The following PCDHGB4 variants were observed in gnomAD, a reference collection of about 807,000 sequenced individuals.
PCDHGB4 encodes protocadherin gamma-B4.
A neutral mutation model predicts 60.5 loss-of-function variants in PCDHGB4; 38 were observed. That is an observed-to-expected ratio of 0.63 (90% confidence interval 0.48 to 0.82). The LOEUF is 0.82. Among genes scored for constraint, PCDHGB4 ranks in the 40% least tolerant of loss-of-function variants. The pLI, the probability that PCDHGB4 is intolerant of heterozygous loss-of-function variation, is 0.00. For missense variants in PCDHGB4, 1,109 were observed against 1,209.6 expected (o/e 0.92, Z 1.23); for synonymous variants, 456 against 509.7 (o/e 0.89, Z 1.42).
chr5:141,432,908 C>G lies in PCDHGB4; in HGVS notation c.2397+42627C>G, dbSNP rs757934634. 6.2e-7 allele frequency: 1 copy of G among 1,614,168 alleles called. No homozygotes were observed. Reference sequence around the variant, plus strand: ...CATCTTGCTGCTGGCGCTCAGGCTGCGGCGCTGGCACAAGTCACGCCTGCT... The same window carrying G: ...CATCTTGCTGCTGGCGCTCAGGCTGGGGCGCTGGCACAAGTCACGCCTGCT... On this transcript the variant is annotated intron_variant, in intron 1 of 3. Transcript: ENST00000519479. This position sits in a 1 kb window ranked among gnomAD's most constrained non-coding sequence, Gnocchi z 6.0.
intron 1 of PCDHGB4, among the ~76,000 whole-genome samples, chr5:141,466,725 G>A (rs1184472416): frequency 2.6e-5 from 4 of 152,024 alleles, no homozygotes; most frequent in Non-Finnish European, 5.9e-5. Context: ...TTCCATTTTA[G>A]CAGAATTCAT....
At chr5:141,459,035 AC>A (rs1337856322) in intron 1 of PCDHGB4, among the ~76,000 whole-genome samples, 1 of 152,218 alleles carries the variant, frequency 6.6e-6, no homozygotes, top group Non-Finnish European at 1.5e-5. Flanking sequence ...ATCCAGCCTT[AC>A]CAGCTATATT....
In PCDHGB4 at chr5:141,390,022, T is replaced by A. The variant is rs1206102918; in HGVS notation, c.2138T>A (p.Leu713Gln). Reference sequence around the variant, plus strand: ...ATGATTCTGGCCATTGCCTTGCGCCTGCGACGCTCCTCCAGCCCCGCCTCC... The same window carrying A: ...ATGATTCTGGCCATTGCCTTGCGCCAGCGACGCTCCTCCAGCCCCGCCTCC... ...VAMILAIALR[L>Q]RRSSSPASWS... is the part of the protein sequence containing the mutation. The change falls in exon 1 of 4, where the codon CTG becomes CAG. Residue 713 changes from leucine to glutamine, a missense_variant. Physicochemically the swap from Leu to Gln is moderately radical, Grantham distance 113. This residue lies in a region of PCDHGB4 where 1,068 missense variants were observed against 1,089.9 expected (regional missense o/e 0.98). Coordinates refer to ENST00000519479, the MANE Select transcript of PCDHGB4 (RefSeq NM_003736.4). 2.5e-6 allele frequency: 4 copies of A among 1,613,928 alleles called. No individual in the cohort carries two copies. Among genetic ancestry groups the A allele is most frequent in the Non-Finnish European group, 3.4e-6 (4 of 1,179,916 alleles).
At position 141,476,011 on chromosome 5, in the gene PCDHGB4, A is replaced by C. The variant is rs1415142555; in HGVS notation, c.2398-18796A>C. On this transcript the variant is annotated intron_variant, in intron 1 of 3. Coordinates refer to ENST00000519479, the MANE Select transcript of PCDHGB4 (RefSeq NM_003736.4). This position sits in a 1 kb window ranked among gnomAD's most constrained non-coding sequence, Gnocchi z 7.6. The stretch of plus-strand genomic sequence containing the variant: ...GCAAATCAACGGCATCCAGAAAGCC[A>C]TGTCGGACTCGGCGCCCAGCGCCCA... 2.3e-6 allele frequency: 3 copies of C among 1,311,164 alleles called. No homozygotes were observed. Among genetic ancestry groups the C allele is most frequent in the African/African-American group, 1.5e-5 (1 of 68,020 alleles). 81.2% of individuals were successfully genotyped at this position (1,311,164 alleles called of 1,614,324 possible).
intron 1 of PCDHGB4, chr5:141,417,490 T>C (rs1296739869): frequency 4.7e-6 from 1 of 210,618 alleles, no homozygotes; most frequent in Non-Finnish European, 9.3e-6. Context: ...AAGGAATCAC[T>C]GAGGAAAAAG....
chr5:141,427,895 G>T (rs539406412), intron 1 of PCDHGB4: 3 of 1,569,228 alleles, frequency 1.9e-6, no homozygotes, highest in South Asian at 2.2e-5. Context: ...ACCAGGGCTC[G>T]CCCGCGCTCA....
intron 1 of PCDHGB4, chr5:141,441,792 G>T: frequency 2.6e-6 from 1 of 389,292 alleles, no homozygotes; most frequent in Non-Finnish European, 5.1e-6. Context: ...GAATGACAAC[G>T]CACCGCGGGT....
At position 141,510,979 on chromosome 5, in the gene PCDHGB4, G is replaced by T; in HGVS notation, c.2578G>T (p.Gly860Cys). 3.7e-6 allele frequency: 6 copies of T among 1,614,156 alleles called. No individual in the cohort carries two copies. Among genetic ancestry groups the T allele is most frequent in the Non-Finnish European group, 4.2e-6 (5 of 1,180,018 alleles). Residue 860 changes from glycine to cysteine, a missense_variant, in exon 4 of 4, where the codon GGT becomes TGT. Gly to Cys is a radical substitution (Grantham distance 159). This residue lies in a region of PCDHGB4 where 1,068 missense variants were observed against 1,089.9 expected (regional missense o/e 0.98). Coordinates refer to ENST00000519479, the MANE Select transcript of PCDHGB4 (RefSeq NM_003736.4). ...TGATGGGAGCTCCACCCTGGGAGGGGGTGCCGGCACCATGGGATTGAGCGC... is the reference window on the plus strand; with the variant it reads ...TGATGGGAGCTCCACCCTGGGAGGGTGTGCCGGCACCATGGGATTGAGCGC... Reference protein sequence around the residue: ...AADGSSTLGGGAGTMGLSARY... With the variant: ...AADGSSTLGGCAGTMGLSARY...
chr5:141,454,796 ATTTTTT>A (rs61612330), intron 1 of PCDHGB4, among the ~76,000 whole-genome samples: 41 of 77,454 alleles, frequency 5.3e-4, no homozygotes, highest in African/African-American at 1.7e-3. Context: ...CATGGTTCTA[ATTTTTT>A]TTTTTTTTTT....
At chr5:141,421,767 C>T in intron 1 of PCDHGB4, 2 of 1,613,906 alleles carry the variant, frequency 1.2e-6, no homozygotes, top group South Asian at 1.1e-5. Context: ...ATTACTTTTC[C>T]TTGCAACTGC....
chr5:141,439,118 G>A (rs1293542421), intron 1 of PCDHGB4, among the ~76,000 whole-genome samples: 3 of 151,390 alleles, frequency 2.0e-5, no homozygotes, highest in Non-Finnish European at 4.4e-5. Flanking sequence ...ACTTGAACCC[G>A]GGAGACAGAG....
chr5:141,470,872 TTTTTTG>T (rs900302332), intron 1 of PCDHGB4, among the ~76,000 whole-genome samples: 3 of 151,814 alleles, frequency 2.0e-5, no homozygotes, highest in African/African-American at 4.8e-5. Context: ...GTTTGTTTGT[TTTTTTG>T]TTTTTGTTTT....
chr5:141,485,408 T>C lies in PCDHGB4; in HGVS notation c.2398-9399T>C. On this transcript the variant is annotated intron_variant, in intron 1 of 3. Transcript: ENST00000519479. The surrounding 1 kb of genome is among the most constrained non-coding windows in gnomAD (Gnocchi z 5.7). ...GAACCAAAGACACTTCCGTGTGGAT[T>C]TGGACAGCGGAGCCCTGCTCATCAA... 1 of 1,614,112 alleles carries C rather than the reference T, an allele frequency of 6.2e-7. No individual in the cohort carries two copies. Among genetic ancestry groups the C allele is most frequent in the Non-Finnish European group, 8.5e-7 (1 of 1,180,034 alleles).
In PCDHGB4 at chr5:141,414,837, G is replaced by C. The variant is rs776651290; in HGVS notation, c.2397+24556G>C. On this transcript the variant is annotated intron_variant, in intron 1 of 3. Coordinates refer to ENST00000519479, the MANE Select transcript of PCDHGB4 (RefSeq NM_003736.4). ...TCAGCAGCAACGTGTCGTTGAGCCT[G>C]TTTGTGCTGGACCAGAACGACAATG... The C allele has an allele frequency of 2.4e-5, 38 of 1,614,232 alleles. No homozygotes were observed. In the Admixed American group the frequency reaches 5.8e-4, roughly 25 times the overall value.
intron 1 of PCDHGB4, chr5:141,423,314 T>C: frequency 6.2e-7 from 1 of 1,614,178 alleles, no homozygotes; most frequent in Non-Finnish European, 8.5e-7. Context: ...TACTTGGTGG[T>C]GGCGGTGGCC....
rs752155536 is a variant in PCDHGB4, at chr5:141,477,181, C to T, written c.2398-17626C>T. The T allele has an allele frequency of 2.5e-6, 4 of 1,614,182 alleles. No individual in the cohort carries two copies. In the Admixed American group the frequency reaches 6.7e-5, roughly 27 times the overall value. ...ACAACGCCCCGGAGATCACAGTCACCTCCGTGTACAGCCCAGTACCCGAGG... is the reference window on the plus strand; with the variant it reads ...ACAACGCCCCGGAGATCACAGTCACTTCCGTGTACAGCCCAGTACCCGAGG... On this transcript the variant is annotated intron_variant, in intron 1 of 3. Transcript: ENST00000519479. This position sits in a 1 kb window ranked among gnomAD's most constrained non-coding sequence, Gnocchi z 4.9.
At chr5:141,414,679 G>A in intron 1 of PCDHGB4, 1 of 1,613,960 alleles carries the variant, frequency 6.2e-7, no homozygotes. Flanking sequence ...CACCATCCAG[G>A]GGGTACCTCT....
intron 1 of PCDHGB4, among the ~76,000 whole-genome samples, chr5:141,450,564 G>A (rs1397334260): frequency 2.0e-5 from 3 of 151,932 alleles, no homozygotes; most frequent in African/African-American, 7.3e-5. Context: ...TCGGCTCACT[G>A]CAACTTCTGC....
chr5:141,478,097 A>G lies in PCDHGB4; in HGVS notation c.2398-16710A>G, dbSNP rs757796085. Reference sequence around the variant, plus strand: ...GGAGCCTTCGCTCTCCACCACTGCTACCCTCACTGTGTCAGTAACCGAGGA... The same window carrying G: ...GGAGCCTTCGCTCTCCACCACTGCTGCCCTCACTGTGTCAGTAACCGAGGA... On this transcript the variant is annotated intron_variant, in intron 1 of 3. Transcript: ENST00000519479. 9.9e-6 allele frequency: 16 copies of G among 1,613,666 alleles called. No homozygotes were observed. Among genetic ancestry groups the G allele is most frequent in the Admixed American group, 1.7e-5 (1 of 59,970 alleles).
Sources: gnomAD v4.1 joint callset for allele counts (sites outside exome capture counted in the v4.1 genomes callset) on GRCh38, gnomAD v4.1.1 for gene constraint, gnomAD v4.1.1 regional missense constraint, Gnocchi (gnomAD v3.1) non-coding constraint, MANE v1.5 for transcripts, NCBI Gene and HGNC (gene_info 2026-07-23, HGNC 2026-07-21) for gene names.